The following CCDC38 variants were observed in gnomAD, a reference collection of about 807,000 sequenced individuals.
CCDC38 encodes the protein coiled-coil domain-containing protein 38.
A neutral mutation model predicts 72.8 loss-of-function variants in CCDC38; 69 were observed. That is an observed-to-expected ratio of 0.95 (90% CI 0.78 to 1.16). CCDC38 has a LOEUF of 1.16. Among genes scored for constraint, CCDC38 ranks in the 50% most tolerant of loss-of-function variants. CCDC38 has a pLI of 0.00. For missense variants in CCDC38, 626 were observed against 638.9 expected, an observed-to-expected ratio of 0.98 and a Z score of 0.22; for synonymous variants, 201 against 213.2, an observed-to-expected ratio of 0.94 and a Z score of 0.50.
chr12:95,889,737 G>A (rs570760272), intron 9 of CCDC38, among the ~76,000 whole-genome samples: 1 of 152,196 alleles, frequency 6.6e-6, no homozygotes, highest in Non-Finnish European at 1.5e-5. Context: ...TACAGGGAAG[G>A]GCAGGTAAAG....
intron 1 of CCDC38, among the ~76,000 whole-genome samples, chr12:95,939,047 A>T (rs7967282): frequency 0.15 from 22,229 of 152,224 alleles, 1,946 homozygotes; most frequent in African/African-American, 0.24. Flanking sequence ...TATGTCCCTT[A>T]ATCCTCACAC....
intron 13 of CCDC38, among the ~76,000 whole-genome samples, chr12:95,875,466 A>G (rs2079625940): frequency 1.3e-5 from 2 of 152,202 alleles, no homozygotes; most frequent in Admixed American, 1.3e-4. Context: ...ACTAAAATTC[A>G]TTTCATACTG....
chr12:95,902,007 T>C (rs1395945682), intron 5 of CCDC38, among the ~76,000 whole-genome samples: 1 of 152,176 alleles, frequency 6.6e-6, no homozygotes, highest in Admixed American at 6.5e-5. Context: ...TGAAACCACT[T>C]CAGTTTTTGA....
intron 3 of CCDC38, among the ~76,000 whole-genome samples, chr12:95,917,946 A>G (rs2080164286): frequency 6.6e-6 from 1 of 152,020 alleles, no homozygotes; most frequent in Non-Finnish European, 1.5e-5. Flanking sequence ...TCCCCAGTAG[A>G]TATTTAAAAA....
At chr12:95,911,406 C>T (rs974370887) in intron 4 of CCDC38, among the ~76,000 whole-genome samples, 9 of 152,060 alleles carry the variant, frequency 5.9e-5, no homozygotes, top group East Asian at 1.9e-4. Context: ...AGAGCTTCTG[C>T]GCAGCAAAAA....
In CCDC38 at chr12:95,907,892, G is replaced by A. The variant is rs531530558; in HGVS notation, c.305-1441C>T. On this transcript the variant is annotated intron_variant, in intron 4 of 15. Coordinates refer to ENST00000344280, the MANE Select transcript of CCDC38 (RefSeq NM_182496.3). ...ACTTCCTAGATGGGATGGCGGCCGGGAAGAGGCGCTTCTCACTTCCTAGAT... is the reference window on the plus strand; with the variant it reads ...ACTTCCTAGATGGGATGGCGGCCGGAAAGAGGCGCTTCTCACTTCCTAGAT... Among the ~76,000 whole-genome samples, 209 of 151,070 alleles carry A rather than the reference G, an allele frequency of 1.4e-3. 1 individual carries two copies. Among genetic ancestry groups the A allele is most frequent in the Middle Eastern group, 0.014 (4 of 290 alleles).
At position 95,895,139 on chromosome 12, in the gene CCDC38, C is replaced by G; in HGVS notation, c.622G>C (p.Ala208Pro). The change falls in exon 8 of 16, where the codon GCA (alanine) becomes CCA (proline). Residue 208 changes from alanine (A) to proline (P), a missense_variant. Physicochemically the swap from Ala to Pro is conservative, Grantham distance 27 (BLOSUM62 -1). Transcript: ENST00000344280. ...MEVQAVKSEI[A>P]KTEFLLREYM... ...TCCCTGAGGAGGAATTCTGTTTTTG[C>G]TATTTCACTACTCAAAAGAAACAAA... The G allele has an allele frequency of 6.2e-7, 1 of 1,603,618 alleles. No individual in the cohort carries two copies. Among genetic ancestry groups the G allele is most frequent in the Non-Finnish European group, 8.5e-7 (1 of 1,176,650 alleles).
intron 4 of CCDC38, among the ~76,000 whole-genome samples, chr12:95,909,166 A>G (rs1364879342): frequency 6.6e-6 from 1 of 152,300 alleles, no homozygotes; most frequent in East Asian, 1.9e-4. Context: ...AGATTAACAA[A>G]GAAAAAAGAG....
In CCDC38 at chr12:95,895,124, G is replaced by A; in HGVS notation, c.637C>T (p.Leu213Phe). Residue 213 changes from leucine to phenylalanine, a missense_variant, in exon 8 of 16, where the codon CTC (leucine) becomes TTC (phenylalanine). Transcript: ENST00000344280. ...CCATATTTCATATACTCCCTGAGGAGGAATTCTGTTTTTGCTATTTCACTA... is the reference window on the plus strand; with the variant it reads ...CCATATTTCATATACTCCCTGAGGAAGAATTCTGTTTTTGCTATTTCACTA... The part of the protein sequence containing the change: ...VKSEIAKTEF[L>F]LREYMKYGFF... 1 of 1,606,732 alleles carries A rather than the reference G, an allele frequency of 6.2e-7. No homozygotes were observed. The highest frequency in any genetic ancestry group is 8.5e-7 in the Non-Finnish European group (1 of 1,177,586).
chr12:95,881,586 G>T (rs1010713349), intron 10 of CCDC38, 32 bp from the exon 11 acceptor site: 1 of 1,563,346 alleles, frequency 6.4e-7, no homozygotes, highest in African/African-American at 1.4e-5. Context: ...GAAAATGTCT[G>T]ATTTGTGAGC....
At chr12:95,913,960 T>A (rs1004706915) in intron 4 of CCDC38, among the ~76,000 whole-genome samples, 5 of 152,080 alleles carry the variant, frequency 3.3e-5, no homozygotes, top group African/African-American at 1.2e-4. Flanking sequence ...TAACAATGTT[T>A]TGTTGATGAT....
chr12:95,911,140 G>T (rs899104493), intron 4 of CCDC38, among the ~76,000 whole-genome samples: 1 of 152,082 alleles, frequency 6.6e-6, no homozygotes, highest in Non-Finnish European at 1.5e-5. Context: ...AATGGGGAGA[G>T]GATCCCCTTT....
chr12:95,894,988 C>G lies in CCDC38; in HGVS notation c.772+1G>C, dbSNP rs779716729. The G allele has an allele frequency of 6.2e-7, 1 of 1,603,450 alleles. No individual in the cohort carries two copies. The highest frequency in any genetic ancestry group is 1.3e-5 in the African/African-American group (1 of 74,514). On this transcript the variant is annotated splice_donor_variant, in intron 8 of 15. Coordinates refer to ENST00000344280, the MANE Select transcript of CCDC38 (RefSeq NM_182496.3). LOFTEE classifies it high-confidence loss of function. ...ATGAAAGTTGAGTATAAGTAACTTA[C>G]TTGCTAATATTTTTGGAAGGATGAT...
chr12:95,892,278 CTTTTTTT>C (rs774500212), intron 8 of CCDC38, among the ~76,000 whole-genome samples: 2 of 76,012 alleles, frequency 2.6e-5, no homozygotes, highest in African/African-American at 1.2e-4. Flanking sequence ...TTATTACAAT[CTTTTTTT>C]TTTTTTTTTT....
At chr12:95,902,502 C>A (rs985836410) in intron 5 of CCDC38, among the ~76,000 whole-genome samples, 4 of 152,080 alleles carry the variant, frequency 2.6e-5, no homozygotes, top group African/African-American at 9.7e-5. Context: ...GATTTATAAA[C>A]TTAGTACAAC....
chr12:95,878,162 T>C, intron 13 of CCDC38, 49 bp downstream of exon 13: 3 of 1,601,738 alleles, frequency 1.9e-6, no homozygotes, highest in Non-Finnish European at 2.6e-6. Flanking sequence ...GGAATAAAAA[T>C]TATAATCATG....
intron 2 of CCDC38, chr12:95,919,495 T>A (rs182806509): frequency 4.4e-6 from 2 of 455,982 alleles, no homozygotes; most frequent in Admixed American, 4.7e-5. Flanking sequence ...GTATGGAGTA[T>A]GGAGTCCTTC....
chr12:95,902,385 C>G (rs2079959170), intron 5 of CCDC38, among the ~76,000 whole-genome samples: 1 of 152,136 alleles, frequency 6.6e-6, no homozygotes, highest in Non-Finnish European at 1.5e-5. Flanking sequence ...CTCCTCCCCA[C>G]CTCCTTTCCC....
At position 95,898,641 on chromosome 12, in the gene CCDC38, GC is replaced by G. The variant is rs747181053; in HGVS notation, c.459del (p.Lys153AsnfsTer21). The G allele has an allele frequency of 5.7e-5, 92 of 1,614,010 alleles. No individual in the cohort carries two copies. Among genetic ancestry groups the G allele is most frequent in the Non-Finnish European group, 7.7e-5 (91 of 1,180,018 alleles). ...RERQLKKAEK[K>X]LQDDALAFEE... ...TCAAAGGCCAGTGCATCATCTTGGA[GC>G]TTTTTCTCTGCTTTTTTTAGTTGCC... is the stretch of plus-strand genomic sequence containing the variant. On this transcript the variant is annotated frameshift_variant, in exon 6 of 16. Transcript: ENST00000344280. LOFTEE classifies it high-confidence loss of function.
Sources: gnomAD v4.1 joint callset for allele counts (sites outside exome capture counted in the v4.1 genomes callset) on GRCh38, gnomAD v4.1.1 for gene constraint, MANE v1.5 for transcripts, NCBI Gene and HGNC (gene_info 2026-07-23, HGNC 2026-07-21) for gene names.